Variants in MUSK observed in about 807,000 individuals in gnomAD.
MUSK encodes the protein muscle, skeletal receptor tyrosine-protein kinase.
A neutral mutation model predicts 88.7 loss-of-function variants in MUSK; 55 were observed. The ratio of observed to expected loss-of-function variants is 0.62; its 90% CI spans 0.50 to 0.78. The LOEUF (loss-of-function observed/expected upper bound fraction) is 0.78. MUSK is among the 30% of genes least tolerant of loss of function. MUSK has a pLI of 0.00. For missense variants in MUSK, 1,015 were observed against 1,074.3 expected, an observed-to-expected ratio of 0.94 and a Z score of 0.77; for synonymous variants, 387 against 391.9, an observed-to-expected ratio of 0.99 and a Z score of 0.15.
intron 9 of MUSK, among the ~76,000 whole-genome samples, chr9:110,770,493 A>T (rs1396568948): frequency 2.7e-5 from 4 of 146,790 alleles, no homozygotes; most frequent in African/African-American, 7.4e-5. Context: ...ATTATAGTTT[A>T]TAATAATATA....
In MUSK at chr9:110,741,169, A is replaced by G. The variant is rs558637618; in HGVS notation, c.754-6472A>G. Among the ~76,000 whole-genome samples, 65 of 152,300 alleles carry G rather than the reference A, an allele frequency of 4.3e-4. No individual in the cohort carries two copies. The South Asian group carries it at 4.6e-3, about 11-fold the overall frequency. On this transcript the variant is annotated intron_variant, in intron 6 of 14. Transcript: ENST00000374448. ...ACACACACAAAGGTAACCATGTGAG[A>G]TGATACTTCACTAGCTTGATTGCAG... is the stretch of plus-strand genomic sequence containing the variant.
intron 1 of MUSK, among the ~76,000 whole-genome samples, chr9:110,671,030 G>A (rs2075950545): frequency 6.6e-6 from 1 of 152,020 alleles, no homozygotes; most frequent in Admixed American, 6.6e-5. Context: ...GCAGTGCAGT[G>A]GTGTGATCTC....
intron 3 of MUSK, among the ~76,000 whole-genome samples, chr9:110,690,956 C>T (rs1379440834): frequency 6.7e-6 from 1 of 150,226 alleles, no homozygotes; most frequent in Non-Finnish European, 1.5e-5. Flanking sequence ...CCTCTGCCTC[C>T]TGAGTTCAAG....
At position 110,805,746 on chromosome 9, in the gene MUSK, G is replaced by A. The variant is rs1030587810; in HGVS notation, c.*4758G>A. 3.3e-5 allele frequency among the ~76,000 whole-genome samples: 5 copies of A among 151,878 alleles called. No individual in the cohort carries two copies. The highest frequency in any genetic ancestry group is 2.1e-4 in the South Asian group (1 of 4,820). On this transcript the variant is annotated 3_prime_UTR_variant, in exon 15 of 15. Transcript: ENST00000374448. ...GTATGAATTTATTTCCTAATGTAGC[G>A]ATATCCTTGTCTTCTAGGAATAAAC...
chr9:110,771,191 G>T (rs2077569928), intron 9 of MUSK, among the ~76,000 whole-genome samples: 1 of 120,742 alleles, frequency 8.3e-6, no homozygotes, highest in African/African-American at 3.4e-5. Context: ...TTTGTCCCTG[G>T]GTTCAAGCAA....
In MUSK at chr9:110,799,698, A is replaced by G. The variant is rs142572546; in HGVS notation, c.1928-608A>G. On this transcript the variant is annotated intron_variant, in intron 14 of 14. Transcript: ENST00000374448. Reference sequence around the variant, plus strand: ...AATTTTTAAAGAAGAATAAGGTTCAATCTCTCCTTTCAAAGTGCTAAAACG... The same window carrying G: ...AATTTTTAAAGAAGAATAAGGTTCAGTCTCTCCTTTCAAAGTGCTAAAACG... 1.2e-4 allele frequency among the ~76,000 whole-genome samples: 18 copies of G among 152,308 alleles called. No individual in the cohort carries two copies. In the East Asian group the frequency reaches 2.1e-3, roughly 18 times the overall value.
At chr9:110,728,815 T>C in intron 5 of MUSK, 3 of 933,554 alleles carry the variant, frequency 3.2e-6, no homozygotes, top group Non-Finnish European at 4.6e-6. Context: ...AGTGCCATTT[T>C]TAAAGAAATA....
rs1254398960 is a variant in MUSK at position 110,687,160 on chromosome 9, C to T, written c.250C>T (p.Leu84Phe). 1 of 1,613,680 alleles carries T rather than the reference C, an allele frequency of 6.2e-7. No individual in the cohort carries two copies. Among genetic ancestry groups the T allele is most frequent in the Admixed American group, 1.7e-5 (1 of 59,992 alleles). Residue 84 changes from leucine (L) to phenylalanine (F), a missense_variant, in exon 3 of 15, where the codon CTC (leucine) becomes TTC (phenylalanine). By Grantham distance (22) the Leu-to-Phe change is conservative (BLOSUM62 0). Transcript: ENST00000374448. ...RYSIRENGQL[L>F]TILSVEDSDD... Reference sequence around the variant, plus strand: ...CAGCATCCGGGAGAATGGGCAGCTCCTCACCATCCTGAGTGTGGAAGACAG... The same window carrying T: ...CAGCATCCGGGAGAATGGGCAGCTCTTCACCATCCTGAGTGTGGAAGACAG...
chr9:110,785,126 A>T, intron 12 of MUSK, 110 bp downstream of exon 12: 1 of 961,312 alleles, frequency 1.0e-6, no homozygotes, highest in East Asian at 2.4e-5. Flanking sequence ...CTCTAAATAT[A>T]TCCGTAGCCC....
At chr9:110,757,042 A>G (rs2077334584) in intron 7 of MUSK, among the ~76,000 whole-genome samples, 1 of 152,222 alleles carries the variant, frequency 6.6e-6, no homozygotes, top group South Asian at 2.1e-4. Context: ...GGATTAATTC[A>G]GTACATTTAT....
intron 8 of MUSK, among the ~76,000 whole-genome samples, chr9:110,764,309 C>T (rs2077442503): frequency 6.6e-6 from 1 of 152,150 alleles, no homozygotes; most frequent in African/African-American, 2.4e-5. Flanking sequence ...TTGTCACTTA[C>T]AAAAGACAAC....
chr9:110,704,311 T>C (rs1012118059), intron 5 of MUSK, among the ~76,000 whole-genome samples: 1 of 152,182 alleles, frequency 6.6e-6, no homozygotes, highest in African/African-American at 2.4e-5. Context: ...ATGAGATGGA[T>C]TTATATACAT....
intron 8 of MUSK, among the ~76,000 whole-genome samples, chr9:110,765,633 G>C (rs966230041): frequency 1.3e-5 from 2 of 152,146 alleles, no homozygotes; most frequent in African/African-American, 4.8e-5. Flanking sequence ...GAGTGCAGAG[G>C]TGCAATCTCA....
chr9:110,689,080 T>C (rs1167862730), intron 3 of MUSK, among the ~76,000 whole-genome samples: 1 of 137,532 alleles, frequency 7.3e-6, no homozygotes, highest in Non-Finnish European at 1.5e-5. Flanking sequence ...TTATATATAG[T>C]TATATATTTA....
intron 10 of MUSK, 101 bp downstream of exon 10, chr9:110,776,064 C>A: frequency 1.5e-6 from 2 of 1,329,368 alleles, no homozygotes; most frequent in Non-Finnish European, 2.0e-6. Flanking sequence ...CTAGGCATTT[C>A]TAATTTTTTT....
chr9:110,724,393 G>T (rs749452117), intron 5 of MUSK, among the ~76,000 whole-genome samples: 1 of 151,902 alleles, frequency 6.6e-6, no homozygotes, highest in Non-Finnish European at 1.5e-5. Flanking sequence ...TTTGGGGGTT[G>T]CCCTCTACTT....
chr9:110,786,741 G>A (rs184676296), intron 13 of MUSK, among the ~76,000 whole-genome samples: 2 of 152,266 alleles, frequency 1.3e-5, no homozygotes, highest in East Asian at 3.9e-4. Flanking sequence ...GCCAATATTA[G>A]CCTATGTATC....
intron 5 of MUSK, among the ~76,000 whole-genome samples, chr9:110,706,543 G>C (rs1215158215): frequency 6.6e-6 from 1 of 152,120 alleles, no homozygotes; most frequent in African/African-American, 2.4e-5. Flanking sequence ...TAAAGGACAG[G>C]AAGACAGATA....
intron 1 of MUSK, among the ~76,000 whole-genome samples, chr9:110,674,894 A>G (rs1423089620): frequency 6.6e-6 from 1 of 152,118 alleles, no homozygotes; most frequent in Non-Finnish European, 1.5e-5. Flanking sequence ...TACAGACATG[A>G]GCCACCAACC....
Sources: allele counts gnomAD v4.1 joint callset (sites outside exome capture counted in the v4.1 genomes callset), GRCh38; gene constraint gnomAD v4.1.1; transcripts MANE v1.5; gene names NCBI Gene and HGNC (gene_info 2026-07-23, HGNC 2026-07-21).